Variants in GRIK2 observed in about 807,000 individuals in gnomAD.
The protein encoded by GRIK2 is glutamate receptor ionotropic, kainate 2.
In GRIK2, 32 loss-of-function variants were observed where a neutral mutation model predicts 100.3. That is an observed-to-expected ratio of 0.32 (90% CI 0.24 to 0.43). The LOEUF is 0.43. Ranked by LOEUF, GRIK2 falls within the 20% of genes least tolerant of loss-of-function variation. The pLI is 1.00. For missense variants in GRIK2, 843 were observed against 1,114.9 expected, an observed-to-expected ratio of 0.76 and a Z score of 3.47; for synonymous variants, 417 against 389.4, an observed-to-expected ratio of 1.07 and a Z score of -0.83.
chr6:101,816,709 A>C (rs934075129), intron 9 of GRIK2, among the ~76,000 whole-genome samples: 10 of 151,912 alleles, frequency 6.6e-5, no homozygotes, highest in Non-Finnish European at 1.2e-4. Context: ...TAAATAAATA[A>C]ATTAATTAAT....
intron 3 of GRIK2, 91 bp from the exon 4 acceptor site, chr6:101,626,289 G>C: frequency 8.9e-7 from 1 of 1,128,320 alleles, no homozygotes; most frequent in Non-Finnish European, 1.3e-6. Context: ...TCTTGAGAAT[G>C]ATACCTTTGG....
chr6:101,993,741 A>AG (rs2128492894), intron 14 of GRIK2: 1 of 149,568 alleles, frequency 6.7e-6, no homozygotes, highest in East Asian at 2.0e-4. Flanking sequence ...AGTTAAATCT[A>AG]TTATACTTCC....
chr6:101,562,666 T>A (rs1777078424), intron 2 of GRIK2, among the ~76,000 whole-genome samples: 1 of 152,016 alleles, frequency 6.6e-6, no homozygotes. Flanking sequence ...AGCAGCTGTT[T>A]GGGTGCAAGT....
rs1166586112 is a variant in GRIK2, at chr6:101,399,373, C to G, written c.96C>G (p.Thr32=). Residue 32 remains threonine (T), a synonymous_variant, in exon 2 of 17, where the codon ACC becomes ACG. Coordinates refer to ENST00000369134, the MANE Select transcript of GRIK2 (RefSeq NM_021956.5). ...TGTGGATTGGATATTCTCAAGGAAC[C>G]ACACATGTATTAAGATTTGGTAAGA... ...CLLWIGYSQG[T]THVLRFGGIF... is the part of the protein sequence containing the mutation. 6.5e-7 allele frequency: 1 copy of G among 1,540,868 alleles called. No homozygotes were observed. Among genetic ancestry groups the G allele is most frequent in the Non-Finnish European group, 9.0e-7 (1 of 1,113,182 alleles).
chr6:101,928,522 C>T lies in GRIK2; in HGVS notation c.1975C>T (p.Leu659=). The change falls in exon 14 of 17, where the codon CTG becomes TTG. Residue 659 remains leucine, a synonymous_variant. Coordinates refer to ENST00000369134, the MANE Select transcript of GRIK2 (RefSeq NM_021956.5). ...GTATACTGCTAACTTAGCCGCCTTT[C>T]TGACAGTGGAACGCATGGAATCCCC... is the stretch of plus-strand genomic sequence containing the variant. The part of the protein sequence containing the change: ...SSYTANLAAF[L]TVERMESPID... 6.2e-7 allele frequency: 1 copy of T among 1,604,842 alleles called. No homozygotes were observed. The highest frequency in any genetic ancestry group is 8.5e-7 in the Non-Finnish European group (1 of 1,171,598).
intron 2 of GRIK2, among the ~76,000 whole-genome samples, chr6:101,499,949 T>A (rs1582587862): frequency 6.6e-6 from 1 of 152,266 alleles, no homozygotes; most frequent in Non-Finnish European, 1.5e-5. Flanking sequence ...CCAGATTGGC[T>A]ATCCTTGTTT....
intron 7 of GRIK2, among the ~76,000 whole-genome samples, chr6:101,749,831 G>A (rs1344801170): frequency 9.5e-4 from 97 of 102,458 alleles, no homozygotes; most frequent in African/African-American, 4.1e-3. Context: ...TTTTTTGTGT[G>A]AGACAGGGTC....
intron 2 of GRIK2, among the ~76,000 whole-genome samples, chr6:101,449,683 G>C (rs767741921): frequency 1.3e-5 from 2 of 151,598 alleles, no homozygotes; most frequent in African/African-American, 4.8e-5. Context: ...TTGTGTCTCT[G>C]TGTCTCCAGA....
chr6:101,833,656 C>T (rs1353133325), intron 10 of GRIK2, among the ~76,000 whole-genome samples: 1 of 151,950 alleles, frequency 6.6e-6, no homozygotes, highest in East Asian at 1.9e-4. Flanking sequence ...CAGAGATTGT[C>T]ATTAACTTTC....
At chr6:101,481,043 T>C (rs755605329) in intron 2 of GRIK2, among the ~76,000 whole-genome samples, 2 of 152,186 alleles carry the variant, frequency 1.3e-5, no homozygotes, top group Non-Finnish European at 2.9e-5. Flanking sequence ...AGGATACTTT[T>C]GATGTAAAAA....
intron 14 of GRIK2, among the ~76,000 whole-genome samples, chr6:101,971,932 C>CT (rs910156429): frequency 6.6e-6 from 1 of 151,852 alleles, no homozygotes; most frequent in Non-Finnish European, 1.5e-5. Flanking sequence ...TGATTTTGTT[C>CT]TTTTTTTGGC....
chr6:101,498,983 A>AG lies in GRIK2; in HGVS notation c.115+99594dup, dbSNP rs562358397. 5.2e-3 allele frequency among the ~76,000 whole-genome samples: 789 copies of AG among 152,198 alleles called. 7 individuals carry two copies. The highest frequency in any genetic ancestry group is 0.018 in the African/African-American group (755 of 41,530). On this transcript the variant is annotated intron_variant, in intron 2 of 16. Coordinates refer to ENST00000369134, the MANE Select transcript of GRIK2 (RefSeq NM_021956.5). Reference sequence around the variant, plus strand: ...AATGGTAATGCCTAGGTTTTCTTCTAGGGTTTTTATGGTTTTAGGTCTAAT... The same window carrying AG: ...AATGGTAATGCCTAGGTTTTCTTCTAGGGGTTTTTATGGTTTTAGGTCTAAT...
intron 7 of GRIK2, among the ~76,000 whole-genome samples, chr6:101,727,466 G>A (rs547314516): frequency 4.7e-4 from 71 of 152,122 alleles, no homozygotes; most frequent in African/African-American, 1.6e-3. Flanking sequence ...ACTCCATGTG[G>A]GCAACCTGGC....
chr6:101,429,478 C>A (rs1448080921), intron 2 of GRIK2, among the ~76,000 whole-genome samples: 1 of 152,138 alleles, frequency 6.6e-6, no homozygotes, highest in African/African-American at 2.4e-5. Context: ...GCTCTGATCA[C>A]AGACCAAGAA....
At chr6:101,417,148 G>T (rs150517954) in intron 2 of GRIK2, among the ~76,000 whole-genome samples, 128 of 152,276 alleles carry the variant, frequency 8.4e-4, no homozygotes, top group Middle Eastern at 6.8e-3. Context: ...GTGTGCAGGG[G>T]AACTGCCCTT....
At chr6:102,050,122 G>A (rs1771093637) in intron 15 of GRIK2, among the ~76,000 whole-genome samples, 1 of 152,050 alleles carries the variant, frequency 6.6e-6, no homozygotes, top group Admixed American at 6.6e-5. Context: ...AGTTTGTACA[G>A]GGTAGTAAAA....
chr6:101,991,005 C>A (rs981875401), intron 14 of GRIK2, among the ~76,000 whole-genome samples: 6 of 151,824 alleles, frequency 4.0e-5, no homozygotes, highest in Non-Finnish European at 7.4e-5. Context: ...TGGAAAGATT[C>A]TATAGATGTA....
rs1335749280 is a variant in GRIK2, at chr6:101,565,919, ATATATATATATATGTG to A, written c.116-56016_116-56001del. 3.3e-3 allele frequency among the ~76,000 whole-genome samples: 345 copies of A among 105,640 alleles called. 9 individuals are homozygous for A. Among genetic ancestry groups the A allele is most frequent in the African/African-American group, 0.011 (286 of 26,690 alleles). 69.3% of individuals were successfully genotyped at this position (105,640 alleles called of 152,430 possible). ...CTTTATCTTTATATACCTATTTTAT[ATATATATATATATGTG>A]TATATATATATATATATATATATAA... On this transcript the variant is annotated intron_variant, in intron 2 of 16. Transcript: ENST00000369134.
At chr6:101,705,802 G>A (rs1298562968) in intron 7 of GRIK2, among the ~76,000 whole-genome samples, 1 of 151,762 alleles carries the variant, frequency 6.6e-6, no homozygotes, top group Non-Finnish European at 1.5e-5. Flanking sequence ...TATCAGTTTT[G>A]ATACTTTAAA....
Sources: gnomAD v4.1 joint callset for allele counts (sites outside exome capture counted in the v4.1 genomes callset) on GRCh38, gnomAD v4.1.1 for gene constraint, MANE v1.5 for transcripts, NCBI Gene and HGNC (gene_info 2026-07-23, HGNC 2026-07-21) for gene names.